The following DAAM1 variants were observed in gnomAD, a reference collection of about 807,000 sequenced individuals.
DAAM1 encodes dishevelled associated activator of morphogenesis 1.
A neutral mutation model predicts 130.0 loss-of-function variants in DAAM1; 52 were observed. The ratio of observed to expected loss-of-function variants is 0.40; its 90% CI spans 0.32 to 0.50. DAAM1 has a LOEUF of 0.50. Among genes scored for constraint, DAAM1 ranks in the 20% least tolerant of loss-of-function variants. The pLI, the probability that DAAM1 is intolerant of heterozygous loss-of-function variation, is 0.61. For synonymous variants in DAAM1, 452 were observed against 444.5 expected (o/e 1.02, Z -0.21); for missense variants, 1,134 against 1,303.8 (o/e 0.87, Z 2.01).
intron 2 of DAAM1, among the ~76,000 whole-genome samples, chr14:59,275,436 T>A (rs1468432229): frequency 6.6e-6 from 1 of 150,604 alleles, no homozygotes; most frequent in African/African-American, 2.4e-5. Flanking sequence ...ACTTAAAAGT[T>A]AAAAAAAAAA....
chr14:59,263,025 A>G (rs1310603533), intron 1 of DAAM1, among the ~76,000 whole-genome samples: 2 of 152,228 alleles, frequency 1.3e-5, no homozygotes, highest in Non-Finnish European at 2.9e-5. Flanking sequence ...GAACTTTTAA[A>G]TCAGTCTGGA....
intron 1 of DAAM1, among the ~76,000 whole-genome samples, chr14:59,225,029 T>G (rs1162788322): frequency 7.2e-6 from 1 of 139,154 alleles, no homozygotes; most frequent in Admixed American, 7.1e-5. Context: ...GTTTTTTTTT[T>G]TTTTTTTTTT....
intron 3 of DAAM1, among the ~76,000 whole-genome samples, chr14:59,303,445 AT>A (rs1884257149): frequency 6.6e-6 from 1 of 152,318 alleles, no homozygotes; most frequent in Non-Finnish European, 1.5e-5. Flanking sequence ...TTGTTACAGC[AT>A]TCCTTAGAAC....
chr14:59,248,472 G>A (rs1048846416), intron 1 of DAAM1, among the ~76,000 whole-genome samples: 1 of 152,180 alleles, frequency 6.6e-6, no homozygotes, highest in East Asian at 1.9e-4. Context: ...GTTTAGCTAT[G>A]TGAATAACTT....
intron 15 of DAAM1, among the ~76,000 whole-genome samples, chr14:59,334,244 G>A (rs929935322): frequency 2.4e-4 from 36 of 152,118 alleles, no homozygotes; most frequent in African/African-American, 8.0e-4. Flanking sequence ...GGACACTTTA[G>A]TTGGAATATA....
chr14:59,221,821 C>T (rs1376607151), intron 1 of DAAM1, among the ~76,000 whole-genome samples: 1 of 152,198 alleles, frequency 6.6e-6, no homozygotes, highest in Non-Finnish European at 1.5e-5. Context: ...GTTGTGTCTC[C>T]TGCTGGAAGC....
At chr14:59,347,687 T>C (rs1886136540) in intron 17 of DAAM1, 64 bp downstream of exon 17, 1 of 1,504,928 alleles carries the variant, frequency 6.6e-7, no homozygotes, top group African/African-American at 1.4e-5. Context: ...AGAGGGATGT[T>C]GAGAACATCC....
At chr14:59,367,157 T>A (rs10140514) in intron 23 of DAAM1, among the ~76,000 whole-genome samples, 103,217 of 151,884 alleles carry the variant, frequency 0.68, 35,711 homozygotes, top group East Asian at 0.85. Context: ...GCATGGTGGT[T>A]TGTGCCTGTA....
chr14:59,243,390 C>G (rs1382093818), intron 1 of DAAM1, among the ~76,000 whole-genome samples: 1 of 152,140 alleles, frequency 6.6e-6, no homozygotes, highest in African/African-American at 2.4e-5. Flanking sequence ...CTAGAGCAGC[C>G]TGAGTCTAGG....
intron 24 of DAAM1, 39 bp downstream of exon 24, chr14:59,367,638 A>G: frequency 6.3e-7 from 1 of 1,595,600 alleles, no homozygotes; most frequent in Non-Finnish European, 8.5e-7. Context: ...ACCTCCTAGA[A>G]GTTCTATGAC....
At chr14:59,271,156 C>T (rs752987408) in intron 2 of DAAM1, among the ~76,000 whole-genome samples, 29 of 152,248 alleles carry the variant, frequency 1.9e-4, no homozygotes, top group Non-Finnish European at 3.1e-4. Context: ...AGTTCTTAGA[C>T]TTCCATTTAT....
intron 5 of DAAM1, among the ~76,000 whole-genome samples, chr14:59,321,718 T>A (rs1420454497): frequency 6.6e-6 from 1 of 152,212 alleles, no homozygotes; most frequent in East Asian, 1.9e-4. Context: ...CTTTCTTTAT[T>A]TGACTATAAA....
chr14:59,260,954 A>C (rs1477375114), intron 1 of DAAM1, among the ~76,000 whole-genome samples: 5 of 152,174 alleles, frequency 3.3e-5, no homozygotes, highest in Admixed American at 2.6e-4. Context: ...AGTAAAGTGT[A>C]GGATATTTTT....
intron 22 of DAAM1, 94 bp from the exon 23 acceptor site, chr14:59,363,557 T>G: frequency 6.5e-7 from 1 of 1,536,460 alleles, no homozygotes; most frequent in Non-Finnish European, 8.8e-7. Flanking sequence ...CCATTCTGAT[T>G]TATTAAATTT....
At chr14:59,285,515 ACTGT>A (rs1456024185) in intron 2 of DAAM1, among the ~76,000 whole-genome samples, 1 of 152,186 alleles carries the variant, frequency 6.6e-6, no homozygotes, top group East Asian at 1.9e-4. Context: ...AGCAAGACCC[ACTGT>A]CTGCTGCCTT....
chr14:59,297,047 A>G (rs969413092), intron 3 of DAAM1, among the ~76,000 whole-genome samples: 4 of 152,188 alleles, frequency 2.6e-5, no homozygotes, highest in Admixed American at 2.0e-4. Flanking sequence ...ACTGGTCAAA[A>G]TATTACCAAA....
chr14:59,363,409 G>C, intron 22 of DAAM1: 1 of 413,104 alleles, frequency 2.4e-6, no homozygotes, highest in Non-Finnish European at 4.4e-6. Context: ...AAATCACATA[G>C]ATCAAGTACT....
intron 1 of DAAM1, among the ~76,000 whole-genome samples, chr14:59,235,960 A>G (rs1321184370): frequency 6.6e-6 from 1 of 152,168 alleles, no homozygotes; most frequent in Non-Finnish European, 1.5e-5. Context: ...ATAGCTTGAT[A>G]TACTTAGGAA....
intron 1 of DAAM1, among the ~76,000 whole-genome samples, chr14:59,261,596 C>A (rs976019923): frequency 2.5e-4 from 38 of 152,226 alleles, no homozygotes; most frequent in Non-Finnish European, 1.5e-4. Context: ...TTTAACCTTT[C>A]CCTCTCTTCC....
Sources: allele counts gnomAD v4.1 joint callset (sites outside exome capture counted in the v4.1 genomes callset), GRCh38; gene constraint gnomAD v4.1.1; transcripts MANE v1.5; gene names NCBI Gene and HGNC (gene_info 2026-07-23, HGNC 2026-07-21).